ZNF384: variants seen among roughly 807,000 people sequenced by gnomAD.
The protein encoded by ZNF384 is zinc finger protein 384, also known as CAG repeat protein 1.
A neutral mutation model predicts 65.0 loss-of-function variants in ZNF384; 20 were observed. The ratio of observed to expected loss-of-function variants is 0.31; its 90% CI spans 0.22 to 0.45. The LOEUF (loss-of-function observed/expected upper bound fraction) is 0.45, where lower values mean the gene tolerates loss of function less well. Among genes scored for constraint, ZNF384 ranks in the 20% least tolerant of loss-of-function variants. The probability of loss-of-function intolerance (pLI) is 1.00; values close to 1 mark genes in which losing one functional copy is unlikely to be tolerated. For synonymous variants in ZNF384, 310 were observed against 303.9 expected, an observed-to-expected ratio of 1.02 and a Z score of -0.21; for missense variants, 549 against 769.4, an observed-to-expected ratio of 0.71 and a Z score of 3.39.
chr12:6,680,254 T>C lies in ZNF384; in HGVS notation c.-5-729A>G, dbSNP rs140355791. Among the ~76,000 whole-genome samples the C allele has an allele frequency of 7.7e-3, 1,171 of 152,130 alleles. 16 individuals are homozygous for C. Among genetic ancestry groups the C allele is most frequent in the African/African-American group, 0.025 (1,023 of 41,542 alleles). On this transcript the variant is annotated intron_variant, in intron 2 of 11. Coordinates refer to ENST00000683879, the MANE Select transcript of ZNF384 (RefSeq NM_001385745.1). ...TGCTGGGATTACAGGCGTGAACCACTGTGCCCAGCCAATAAAAATTTCAAG... is the reference window on the plus strand; with the variant it reads ...TGCTGGGATTACAGGCGTGAACCACCGTGCCCAGCCAATAAAAATTTCAAG...
rs372069968 is a variant in ZNF384 at position 6,672,577 on chromosome 12, G to A, written c.1005-45C>T. The A allele has an allele frequency of 1.3e-6, 2 of 1,579,170 alleles. No individual in the cohort carries two copies. The highest frequency in any genetic ancestry group is 1.7e-6 in the Non-Finnish European group (2 of 1,154,054). On this transcript the variant is annotated intron_variant, in intron 8 of 11. Transcript: ENST00000683879. This position sits in a 1 kb window ranked among gnomAD's most constrained non-coding sequence, Gnocchi z 4.4. ...GGAAGGGGGGAGGAGGAAGCAGTTCGACACCAGGGGCTCAGCTCTCTGCTG... is the reference window on the plus strand; with the variant it reads ...GGAAGGGGGGAGGAGGAAGCAGTTCAACACCAGGGGCTCAGCTCTCTGCTG...
rs747878913 is a variant in ZNF384 at position 6,679,110 on chromosome 12, G to A, written c.140C>T (p.Pro47Leu). The A allele has an allele frequency of 6.2e-7, 1 of 1,613,622 alleles. No individual in the cohort carries two copies. The highest frequency in any genetic ancestry group is 8.5e-7 in the Non-Finnish European group (1 of 1,179,648). The part of the protein sequence containing the change: ...LPEKGCGLAP[P>L]HYPTLLTVPA... ...CACTGTCAGCAAGGTGGGGTAGTGA[G>A]GTGGGGCCAGACCACAGCCCTTCTC... Residue 47 changes from proline to leucine, a missense_variant, in exon 4 of 12, where the codon CCT (proline) becomes CTT (leucine). This residue lies in a region of ZNF384 where 277 missense variants were observed against 337.2 expected (regional missense o/e 0.82). Transcript: ENST00000683879.
At chr12:6,685,545 G>A (rs1006869848) in intron 2 of ZNF384, among the ~76,000 whole-genome samples, 7 of 152,032 alleles carry the variant, frequency 4.6e-5, no homozygotes, top group African/African-American at 1.7e-4. Context: ...GGCCGAGGCA[G>A]GTGGACTGCC....
intron 6 of ZNF384, among the ~76,000 whole-genome samples, chr12:6,677,644 A>T: frequency 6.6e-6 from 1 of 152,136 alleles, no homozygotes; most frequent in Non-Finnish European, 1.5e-5. Flanking sequence ...TATTCCTCCT[A>T]CCTTCTTATG....
chr12:6,688,482 A>T (rs1958768596), intron 1 of ZNF384: 1 of 152,330 alleles, frequency 6.6e-6, no homozygotes, highest in Admixed American at 6.5e-5. Context: ...CTAGGCTCAG[A>T]GACTGGTCCT....
chr12:6,684,801 A>C (rs1254738588), intron 2 of ZNF384, among the ~76,000 whole-genome samples: 1 of 152,228 alleles, frequency 6.6e-6, no homozygotes, highest in Non-Finnish European at 1.5e-5. Context: ...AGAGCTAAGA[A>C]TCAAAACTAT....
intron 2 of ZNF384, among the ~76,000 whole-genome samples, chr12:6,684,368 A>G (rs1482873272): frequency 1.3e-5 from 2 of 151,674 alleles, no homozygotes; most frequent in East Asian, 3.9e-4. Flanking sequence ...TTTTCCAGCT[A>G]GTTCTCAAAA....
intron 7 of ZNF384, among the ~76,000 whole-genome samples, chr12:6,675,346 G>A (rs561433696): frequency 1.7e-4 from 26 of 152,156 alleles, no homozygotes; most frequent in Non-Finnish European, 3.7e-4. Flanking sequence ...TTTACAGAAA[G>A]GAACACAAAG....
At position 6,677,204 on chromosome 12, in the gene ZNF384, C is replaced by G; in HGVS notation, c.742G>C (p.Val248Leu). The G allele has an allele frequency of 1.6e-6, 2 of 1,272,846 alleles. No individual in the cohort carries two copies. The highest frequency in any genetic ancestry group is 2.1e-6 in the Non-Finnish European group (2 of 965,296). 78.8% of individuals were successfully genotyped at this position (1,272,846 alleles called of 1,614,324 possible). A position where few individuals can be genotyped will look rare whatever the true frequency, so the allele number is the denominator to read the frequency against. ...AGCAAATTCGTGGTGGAGCCGGGAA[C>G]TGAATCCATGAGCCCAAGGCTCTGT... ...NGQSLGLMDS[V>L]PGSTTNLLCD... is the part of the protein sequence containing the mutation. The change falls in exon 7 of 12, where the codon GTT becomes CTT. Residue 248 changes from valine to leucine, a missense_variant. By Grantham distance (32) the Val-to-Leu change is conservative. Coordinates refer to ENST00000683879, the MANE Select transcript of ZNF384 (RefSeq NM_001385745.1).
chr12:6,669,182 C>A lies in ZNF384; in HGVS notation c.1274G>T (p.Arg425Ile). The A allele has an allele frequency of 6.2e-7, 1 of 1,607,396 alleles. No individual in the cohort carries two copies. Among genetic ancestry groups the A allele is most frequent in the Non-Finnish European group, 8.5e-7 (1 of 1,175,506 alleles). ...GGGTTTATCTTTGTTGTGTTGCCGTCTGTGGGACTGAGAAAATTGGGAGAA... is the reference window on the plus strand; with the variant it reads ...GGGTTTATCTTTGTTGTGTTGCCGTATGTGGGACTGAGAAAATTGGGAGAA... Reference protein sequence around the residue: ...FTQLSNLQSHRRQHNKDKPFK... With the variant: ...FTQLSNLQSHIRQHNKDKPFK... The change falls in exon 11 of 12, where the codon AGA becomes ATA. Residue 425 changes from arginine to isoleucine, a missense_variant. Coordinates refer to ENST00000683879, the MANE Select transcript of ZNF384 (RefSeq NM_001385745.1).
Position 6,689,177 on chromosome 12 carries a change from C to T in ZNF384, c.-145G>A, listed in dbSNP as rs1959095526. The T allele has an allele frequency of 6.5e-6, 1 of 152,794 alleles. No individual in the cohort carries two copies. Among genetic ancestry groups the T allele is most frequent in the Non-Finnish European group, 1.5e-5 (1 of 68,268 alleles). 9.5% of individuals were successfully genotyped at this position (152,794 alleles called of 1,614,324 possible). A position where few individuals can be genotyped will look rare whatever the true frequency, so the allele number is the denominator to read the frequency against. On this transcript the variant is annotated 5_prime_UTR_variant, in exon 1 of 12. Coordinates refer to ENST00000683879, the MANE Select transcript of ZNF384 (RefSeq NM_001385745.1). ...GGCGTTTGCTGGGAAAGGAGGGAGC[C>T]GAGGAGGGTGGGAGGACCAGGAAGG... is the stretch of plus-strand genomic sequence containing the variant.
Position 6,672,177 on chromosome 12 carries a change from C to T in ZNF384, c.1187+173G>A. 3.1e-6 allele frequency: 2 copies of T among 652,896 alleles called. No individual in the cohort carries two copies. Among genetic ancestry groups the T allele is most frequent in the South Asian group, 2.0e-5 (1 of 50,952 alleles). The allele number at this position is 652,896 out of a possible 1,614,324, so 40.4% of individuals were successfully genotyped here. A position where few individuals can be genotyped will look rare whatever the true frequency, so the allele number is the denominator to read the frequency against. ...CTCTTGCCCCAGAGAAGCTCTGTGT[C>T]CACTTGAATCTCCAGTGTTGTTTGG... On this transcript the variant is annotated intron_variant, in intron 9 of 11. Coordinates refer to ENST00000683879, the MANE Select transcript of ZNF384 (RefSeq NM_001385745.1). The surrounding 1 kb of genome is among the most constrained non-coding windows in gnomAD (Gnocchi z 4.4).
At chr12:6,682,729 A>C (rs1464450757) in intron 2 of ZNF384, among the ~76,000 whole-genome samples, 1 of 152,238 alleles carries the variant, frequency 6.6e-6, no homozygotes, top group Non-Finnish European at 1.5e-5. Flanking sequence ...ACAGTTTAAG[A>C]GAATTCAATC....
chr12:6,685,559 G>A (rs1040098375), intron 2 of ZNF384, among the ~76,000 whole-genome samples: 4 of 152,152 alleles, frequency 2.6e-5, no homozygotes, highest in South Asian at 2.1e-4. Flanking sequence ...GACTGCCTGA[G>A]CTTAGGAGTT....
At position 6,678,637 on chromosome 12, in the gene ZNF384, AC is replaced by A; in HGVS notation, c.352+25del. 1.9e-6 allele frequency: 3 copies of A among 1,601,970 alleles called. No individual in the cohort carries two copies. Among genetic ancestry groups the A allele is most frequent in the Non-Finnish European group, 2.6e-6 (3 of 1,176,096 alleles). ...TAATGGTCTCCTAACCCTTGTCCCC[AC>A]CCCCCTGGTAACAGTGAGATTTACC... On this transcript the variant is annotated intron_variant, in intron 5 of 11. Transcript: ENST00000683879. The surrounding 1 kb of genome is among the most constrained non-coding windows in gnomAD (Gnocchi z 4.9).
intron 2 of ZNF384, among the ~76,000 whole-genome samples, chr12:6,681,201 A>C (rs1184907419): frequency 6.6e-6 from 1 of 151,538 alleles, no homozygotes; most frequent in Non-Finnish European, 1.5e-5. Flanking sequence ...ACAAGAGTGA[A>C]ACGCCATCTC....
chr12:6,668,836 T>C (rs1279941857), intron 11 of ZNF384, among the ~76,000 whole-genome samples, 195 bp downstream of exon 11: 2 of 152,324 alleles, frequency 1.3e-5, no homozygotes, highest in South Asian at 2.1e-4. Context: ...TGCGTCTCTA[T>C]AGGATTAGGA....
At chr12:6,675,239 G>A (rs190522598) in intron 7 of ZNF384, among the ~76,000 whole-genome samples, 30 of 152,292 alleles carry the variant, frequency 2.0e-4, no homozygotes, top group Admixed American at 6.5e-4. Flanking sequence ...GATAATAGTT[G>A]CCATTTGTTG....
chr12:6,667,942 CTGCTGT>C lies in ZNF384; in HGVS notation c.1593_1598del (p.Gln546_Gln547del), dbSNP rs748565387. 18 of 1,608,752 alleles carry C rather than the reference CTGCTGT, an allele frequency of 1.1e-5. No individual in the cohort carries two copies. In the Admixed American group the frequency reaches 1.5e-4, roughly 14 times the overall value. ...GCTGCTGCTGCTGCTGCTGCTGCTG[CTGCTGT>C]GATGCCTGGGAGGCCTGGGCCTGGG... On this transcript the variant is annotated inframe_deletion, in exon 12 of 12. Coordinates refer to ENST00000683879, the MANE Select transcript of ZNF384 (RefSeq NM_001385745.1).
Sources: gnomAD v4.1 joint callset for allele counts (sites outside exome capture counted in the v4.1 genomes callset) on GRCh38, gnomAD v4.1.1 for gene constraint, gnomAD v4.1.1 regional missense constraint, Gnocchi (gnomAD v3.1) non-coding constraint, MANE v1.5 for transcripts, NCBI Gene and HGNC (gene_info 2026-07-23, HGNC 2026-07-21) for gene names.